The following NRG3 variants were observed in gnomAD, a reference collection of about 807,000 sequenced individuals.
The protein encoded by NRG3 is pro-neuregulin-3, membrane-bound isoform.
A neutral mutation model predicts 66.9 loss-of-function variants in NRG3; 31 were observed. The observed-to-expected ratio is 0.46, with a 90% CI of 0.35 to 0.63. The LOEUF (loss-of-function observed/expected upper bound fraction) is 0.63. NRG3 is among the 20% of genes least tolerant of loss of function. The pLI, the probability that NRG3 is intolerant of heterozygous loss-of-function variation, is 0.00. For missense variants in NRG3, 910 were observed against 878.9 expected (o/e 1.04, Z -0.45); for synonymous variants, 393 against 359.4 (o/e 1.09, Z -1.06).
chr10:82,133,493 T>C (rs879520882), intron 1 of NRG3, among the ~76,000 whole-genome samples: 6 of 152,186 alleles, frequency 3.9e-5, no homozygotes, highest in African/African-American at 7.2e-5. Context: ...CTCCCACTTA[T>C]ATGTGAGAAC....
At chr10:82,270,889 A>G (rs1295390076) in intron 1 of NRG3, among the ~76,000 whole-genome samples, 4 of 152,164 alleles carry the variant, frequency 2.6e-5, no homozygotes, top group Non-Finnish European at 5.9e-5. Flanking sequence ...GAAATCTCAC[A>G]ACTCAGTAGG....
At chr10:82,592,209 G>C (rs193243920) in intron 2 of NRG3, among the ~76,000 whole-genome samples, 1 of 152,238 alleles carries the variant, frequency 6.6e-6, no homozygotes, top group Admixed American at 6.5e-5. Flanking sequence ...TAAAGCAGTG[G>C]GCAGGAAGAT....
At chr10:82,825,892 G>A (rs557815719) in intron 3 of NRG3, among the ~76,000 whole-genome samples, 26 of 152,208 alleles carry the variant, frequency 1.7e-4, no homozygotes, top group Non-Finnish European at 2.8e-4. Context: ...ATGTTAATGT[G>A]CAAGATGGAG....
chr10:82,675,157 A>G (rs1047277133), intron 2 of NRG3, among the ~76,000 whole-genome samples: 2 of 151,880 alleles, frequency 1.3e-5, no homozygotes, highest in Non-Finnish European at 2.9e-5. Flanking sequence ...GGGTTTCTCT[A>G]TGTTGACGAG....
intron 1 of NRG3, among the ~76,000 whole-genome samples, chr10:82,056,393 A>G (rs941009000): frequency 2.6e-5 from 4 of 152,192 alleles, no homozygotes; most frequent in African/African-American, 9.6e-5. Context: ...TCTGATAGGA[A>G]TCTTTGAAGC....
At chr10:82,775,208 T>G (rs909807692) in intron 3 of NRG3, among the ~76,000 whole-genome samples, 3 of 145,416 alleles carry the variant, frequency 2.1e-5, no homozygotes, top group Admixed American at 6.7e-5. Flanking sequence ...GGCTATATAT[T>G]TGGGATCTTT....
chr10:82,090,303 G>A (rs2065951657), intron 1 of NRG3, among the ~76,000 whole-genome samples: 1 of 152,140 alleles, frequency 6.6e-6, no homozygotes, highest in Admixed American at 6.5e-5. Flanking sequence ...AAAATATCTT[G>A]AATTAGAGTA....
chr10:82,686,412 T>A (rs2134165404), intron 2 of NRG3, among the ~76,000 whole-genome samples: 1 of 152,212 alleles, frequency 6.6e-6, no homozygotes, highest in South Asian at 2.1e-4. Context: ...GGTCTTCAAC[T>A]CCTGACCTCA....
At chr10:82,687,620 T>G (rs2054612680) in intron 2 of NRG3, among the ~76,000 whole-genome samples, 1 of 152,030 alleles carries the variant, frequency 6.6e-6, no homozygotes, top group Middle Eastern at 3.2e-3. Context: ...TATAGGGATA[T>G]TAGGAGCAGA....
intron 2 of NRG3, among the ~76,000 whole-genome samples, chr10:82,545,265 T>G (rs1251960555): frequency 6.6e-6 from 1 of 152,202 alleles, no homozygotes; most frequent in Non-Finnish European, 1.5e-5. Flanking sequence ...TATAATGTCT[T>G]ATTTGAAACA....
chr10:82,148,380 T>TTTAG (rs2070418095), intron 1 of NRG3, among the ~76,000 whole-genome samples: 1 of 152,186 alleles, frequency 6.6e-6, no homozygotes, highest in Non-Finnish European at 1.5e-5. Flanking sequence ...ATTTTAGTTC[T>TTTAG]TTCTAACCCA....
At chr10:82,054,781 G>C (rs1426661934) in intron 1 of NRG3, among the ~76,000 whole-genome samples, 1 of 152,024 alleles carries the variant, frequency 6.6e-6, no homozygotes, top group Non-Finnish European at 1.5e-5. Flanking sequence ...TGAGCCAGGA[G>C]GATCTCTTGA....
intron 1 of NRG3, among the ~76,000 whole-genome samples, chr10:81,924,038 C>T (rs977457314): frequency 6.6e-6 from 1 of 152,162 alleles, no homozygotes. Flanking sequence ...GGACAGGATA[C>T]AGGCAGGTGA....
At chr10:82,132,535 TG>T (rs1169210602) in intron 1 of NRG3, among the ~76,000 whole-genome samples, 3 of 110,380 alleles carry the variant, frequency 2.7e-5, no homozygotes, top group African/African-American at 4.2e-5. Context: ...GATATATATA[TG>T]ATATATATAT....
chr10:82,280,682 T>C (rs967485944), intron 1 of NRG3, among the ~76,000 whole-genome samples: 1 of 152,176 alleles, frequency 6.6e-6, no homozygotes, highest in East Asian at 1.9e-4. Flanking sequence ...CATCTCCATT[T>C]AGACTACACA....
rs1846714658 is a variant in NRG3 at position 82,526,519 on chromosome 10, TAATG to T, written c.953+167654_953+167657del. Among the ~76,000 whole-genome samples the T allele has an allele frequency of 3.3e-5, 5 of 151,634 alleles. No homozygotes were observed. The South Asian group carries it at 8.3e-4, about 25-fold the overall frequency. On this transcript the variant is annotated intron_variant, in intron 2 of 8. Coordinates refer to ENST00000372141, the MANE Select transcript of NRG3 (RefSeq NM_001010848.4). ...TTTAGATGTACCTAAAGCATAAAGA[TAATG>T]AAAGAATAAAAATGAAAATACGTAC... is the stretch of plus-strand genomic sequence containing the variant.
intron 2 of NRG3, among the ~76,000 whole-genome samples, chr10:82,625,657 T>C (rs1397646070): frequency 6.6e-6 from 1 of 152,144 alleles, no homozygotes; most frequent in Non-Finnish European, 1.5e-5. Flanking sequence ...TTCTGAGCCA[T>C]TCAATTAGAT....
At chr10:82,447,727 T>G (rs557786764) in intron 2 of NRG3, among the ~76,000 whole-genome samples, 1 of 152,238 alleles carries the variant, frequency 6.6e-6, no homozygotes, top group Non-Finnish European at 1.5e-5. Context: ...TGCAAAAGTA[T>G]TACTGAACTT....
chr10:81,917,823 T>G (rs1308749099), intron 1 of NRG3, among the ~76,000 whole-genome samples: 1 of 152,170 alleles, frequency 6.6e-6, no homozygotes, highest in Non-Finnish European at 1.5e-5. Flanking sequence ...CTGAGAGCAT[T>G]GGGCACTGCA....
Sources: gnomAD v4.1 joint callset for allele counts (sites outside exome capture counted in the v4.1 genomes callset) on GRCh38, gnomAD v4.1.1 for gene constraint, MANE v1.5 for transcripts, NCBI Gene and HGNC (gene_info 2026-07-23, HGNC 2026-07-21) for gene names.